The following SAP30L variants were observed in gnomAD, a reference collection of about 807,000 sequenced individuals.
The protein encoded by SAP30L is histone deacetylase complex subunit SAP30L.
In SAP30L, 10 loss-of-function variants were observed where a neutral mutation model predicts 22.3. The observed-to-expected ratio is 0.45, with a 90% CI of 0.28 to 0.76. The LOEUF is 0.76. Ranked by LOEUF, SAP30L falls within the 30% of genes least tolerant of loss-of-function variation. The pLI is 0.14. For synonymous variants in SAP30L, 91 were observed against 94.1 expected (o/e 0.97, Z 0.19); for missense variants, 206 against 237.9 (o/e 0.87, Z 0.88).
chr5:154,449,999 G>A (rs1313171464), intron 1 of SAP30L, among the ~76,000 whole-genome samples: 1 of 152,202 alleles, frequency 6.6e-6, no homozygotes, highest in African/African-American at 2.4e-5. Context: ...GAAAAGGTCT[G>A]AATTAATTGA....
rs1253551792 is a variant in SAP30L, at chr5:154,459,910, T to A, written c.*3882T>A. On this transcript the variant is annotated 3_prime_UTR_variant, in exon 4 of 4. Transcript: ENST00000297109. ...AGGTCTAAGCGTCAGAGAAGTGCCGTATTTTCAAGGTGGAAAGTCTGTTAA... is the reference window on the plus strand; with the variant it reads ...AGGTCTAAGCGTCAGAGAAGTGCCGAATTTTCAAGGTGGAAAGTCTGTTAA... The A allele has an allele frequency of 2.0e-5, 3 of 152,214 alleles. No individual in the cohort carries two copies. Among genetic ancestry groups the A allele is most frequent in the Non-Finnish European group, 4.4e-5 (3 of 68,040 alleles). 9.4% of individuals were successfully genotyped at this position (152,214 alleles called of 1,614,324 possible).
At chr5:154,451,547 C>CTT (rs3214441) in intron 2 of SAP30L, among the ~76,000 whole-genome samples, 3 of 151,582 alleles carry the variant, frequency 2.0e-5, no homozygotes, top group East Asian at 1.9e-4. Flanking sequence ...CACAGTGTCA[C>CTT]TTTTTTTTAA....
In SAP30L at chr5:154,460,894, T is replaced by C. The variant is rs1049373196; in HGVS notation, c.*4866T>C. 6.6e-6 allele frequency: 1 copy of C among 152,146 alleles called. No individual in the cohort carries two copies. Among genetic ancestry groups the C allele is most frequent in the Non-Finnish European group, 1.5e-5 (1 of 68,032 alleles). 9.4% of individuals were successfully genotyped at this position (152,146 alleles called of 1,614,324 possible). ...CTTGTTTCCTGCCAAATCTGGGGGA[T>C]CATTTGTATTTTAACTTCGTAATCT... is the stretch of plus-strand genomic sequence containing the variant. On this transcript the variant is annotated 3_prime_UTR_variant, in exon 4 of 4. Coordinates refer to ENST00000297109, the MANE Select transcript of SAP30L (RefSeq NM_024632.6).
chr5:154,448,856 T>TAACA (rs1757080214), intron 1 of SAP30L, among the ~76,000 whole-genome samples: 1 of 152,164 alleles, frequency 6.6e-6, no homozygotes, highest in East Asian at 1.9e-4. Context: ...TGTTTTAAGG[T>TAACA]GGTGTTGTGG....
intron 1 of SAP30L, among the ~76,000 whole-genome samples, chr5:154,448,295 C>G (rs1014513629): frequency 2.6e-5 from 4 of 152,210 alleles, no homozygotes; most frequent in Non-Finnish European, 5.9e-5. Flanking sequence ...TCTTCAGACT[C>G]TTCCCTCCTA....
chr5:154,458,045 A>G lies in SAP30L; in HGVS notation c.*2017A>G, dbSNP rs1381349714. 6.6e-6 allele frequency: 1 copy of G among 152,242 alleles called. No homozygotes were observed. The highest frequency in any genetic ancestry group is 2.1e-4 in the South Asian group (1 of 4,822). The allele number at this position is 152,242 out of a possible 1,614,324, so 9.4% of individuals were successfully genotyped here. A position where few individuals can be genotyped will look rare whatever the true frequency, so the allele number is the denominator to read the frequency against. ...GTCACATCACTATTTCTTTAGCAGC[A>G]AATCTGTTTTCCCAGTTGAGAGAGA... On this transcript the variant is annotated 3_prime_UTR_variant, in exon 4 of 4. Coordinates refer to ENST00000297109, the MANE Select transcript of SAP30L (RefSeq NM_024632.6).
At position 154,459,036 on chromosome 5, in the gene SAP30L, T is replaced by G. The variant is rs1482107362; in HGVS notation, c.*3008T>G. On this transcript the variant is annotated 3_prime_UTR_variant, in exon 4 of 4. Coordinates refer to ENST00000297109, the MANE Select transcript of SAP30L (RefSeq NM_024632.6). ...GCAGTGTTGCATCTAATTTTGGTGTTTAGGCTTTTTATTTTGTGGGAAGCT... is the reference window on the plus strand; with the variant it reads ...GCAGTGTTGCATCTAATTTTGGTGTGTAGGCTTTTTATTTTGTGGGAAGCT... The G allele has an allele frequency of 6.6e-6, 1 of 152,244 alleles. No individual in the cohort carries two copies. 9.4% of individuals were successfully genotyped at this position (152,244 alleles called of 1,614,324 possible).
chr5:154,454,941 A>G (rs944538105), intron 3 of SAP30L, among the ~76,000 whole-genome samples: 8 of 151,232 alleles, frequency 5.3e-5, no homozygotes, highest in South Asian at 2.1e-4. Flanking sequence ...TTTTTTAAAG[A>G]CAGAGTCTTG....
At chr5:154,453,527 G>A (rs745316286) in intron 3 of SAP30L, 27 bp downstream of exon 3, 1 of 1,450,706 alleles carries the variant, frequency 6.9e-7, no homozygotes, top group Non-Finnish European at 9.7e-7. Context: ...GCCCTCTAAA[G>A]AGAGCCAGCA....
intron 3 of SAP30L, 136 bp from the exon 4 acceptor site, chr5:154,455,764 A>G (rs1279300099): frequency 8.9e-7 from 1 of 1,126,362 alleles, no homozygotes; most frequent in African/African-American, 1.6e-5. Context: ...AGTTCCGCAC[A>G]TGGCAGGAAG....
In SAP30L at chr5:154,456,190, T is replaced by G; in HGVS notation, c.*162T>G. ...GTCAGGAGGATTATATTCTCATGAT[T>G]CAGCATGTGTATAGAAAGACTTTCT... On this transcript the variant is annotated 3_prime_UTR_variant, in exon 4 of 4. Coordinates refer to ENST00000297109, the MANE Select transcript of SAP30L (RefSeq NM_024632.6). 1.6e-6 allele frequency: 1 copy of G among 616,348 alleles called. No individual in the cohort carries two copies. The highest frequency in any genetic ancestry group is 2.6e-6 in the Non-Finnish European group (1 of 389,508). The allele number at this position is 616,348 out of a possible 1,614,324, so 38.2% of individuals were successfully genotyped here. A position where few individuals can be genotyped will look rare whatever the true frequency, so the allele number is the denominator to read the frequency against.
At position 154,446,596 on chromosome 5, in the gene SAP30L, G is replaced by C. The variant is rs568526217; in HGVS notation, c.-9G>C. On this transcript the variant is annotated 5_prime_UTR_variant, in exon 1 of 4. Coordinates refer to ENST00000297109, the MANE Select transcript of SAP30L (RefSeq NM_024632.6). ...CCCTCCCCCAGAGGGACCGGCCCGG[G>C]GCGGGGAGATGAACGGCTTCAGCAC... The C allele has an allele frequency of 6.8e-6, 10 of 1,471,890 alleles. No homozygotes were observed. In the African/African-American group the frequency reaches 1.5e-4, roughly 22 times the overall value. 91.2% of individuals were successfully genotyped at this position (1,471,890 alleles called of 1,614,324 possible).
At position 154,455,918 on chromosome 5, in the gene SAP30L, A is replaced by G; in HGVS notation, c.442A>G (p.Arg148Gly). The change falls in exon 4 of 4, where the codon AGG becomes GGG. Residue 148 changes from arginine to glycine, a missense_variant. Physicochemically the swap from Arg to Gly is moderately radical, Grantham distance 125. Transcript: ENST00000297109. ...QLAETVSRHF[R>G]NIPVNEKETL... is the part of the protein sequence containing the mutation. ...CACATAGACTGTGAGTCGACACTTCAGGAACATACCTGTGAATGAAAAAGA... is the reference window on the plus strand; with the variant it reads ...CACATAGACTGTGAGTCGACACTTCGGGAACATACCTGTGAATGAAAAAGA... 1 of 1,613,796 alleles carries G rather than the reference A, an allele frequency of 6.2e-7. No individual in the cohort carries two copies. Among genetic ancestry groups the G allele is most frequent in the Non-Finnish European group, 8.5e-7 (1 of 1,179,884 alleles).
intron 1 of SAP30L, 35 bp downstream of exon 1, chr5:154,446,840 G>A (rs1757025121): frequency 6.4e-7 from 1 of 1,558,662 alleles, no homozygotes; most frequent in Non-Finnish European, 8.7e-7. Context: ...GGGCCCCGGC[G>A]CCCCCAGCTC....
In SAP30L at chr5:154,460,258, T is replaced by C. The variant is rs2113288944; in HGVS notation, c.*4230T>C. Reference sequence around the variant, plus strand: ...AAGGGAAAACAGATCTAGCCTGTTATTTAAAACCAGGGTTCAAAAGCCCTA... The same window carrying C: ...AAGGGAAAACAGATCTAGCCTGTTACTTAAAACCAGGGTTCAAAAGCCCTA... On this transcript the variant is annotated 3_prime_UTR_variant, in exon 4 of 4. Coordinates refer to ENST00000297109, the MANE Select transcript of SAP30L (RefSeq NM_024632.6). 1 of 152,398 alleles carries C rather than the reference T, an allele frequency of 6.6e-6. No homozygotes were observed. The highest frequency in any genetic ancestry group is 1.5e-5 in the Non-Finnish European group (1 of 68,054). The allele number at this position is 152,398 out of a possible 1,614,324, so 9.4% of individuals were successfully genotyped here.
Position 154,446,345 on chromosome 5 carries a change from G to A in SAP30L, c.-260G>A, listed in dbSNP as rs1582036666. 1.3e-5 allele frequency: 5 copies of A among 371,854 alleles called. No individual in the cohort carries two copies. The South Asian group carries it at 5.0e-4, about 37-fold the overall frequency. The allele number at this position is 371,854 out of a possible 1,614,324, so 23.0% of individuals were successfully genotyped here. On this transcript the variant is annotated 5_prime_UTR_variant, in exon 1 of 4. Transcript: ENST00000297109. Reference sequence around the variant, plus strand: ...GGGCCCCCGGCAGAAGGCTCCTCCGGGTGACCCCCGGCGGGGCCCTGCGAG... The same window carrying A: ...GGGCCCCCGGCAGAAGGCTCCTCCGAGTGACCCCCGGCGGGGCCCTGCGAG...
rs1441638475 is a variant in SAP30L at position 154,453,510 on chromosome 5, C to CA, written c.423+14dup. On this transcript the variant is annotated intron_variant, in intron 3 of 3. Coordinates refer to ENST00000297109, the MANE Select transcript of SAP30L (RefSeq NM_024632.6). ...GGCCCAGTTAGCAGAAGTAGGTAGA[C>CA]AAAATTGCCCTCTAAAGAGAGCCAG... The CA allele has an allele frequency of 6.4e-7, 1 of 1,574,586 alleles. No individual in the cohort carries two copies. Among genetic ancestry groups the CA allele is most frequent in the African/African-American group, 1.3e-5 (1 of 74,244 alleles).
rs1382672378 is a variant in SAP30L, at chr5:154,446,726, C to G, written c.122C>G (p.Pro41Arg). The G allele has an allele frequency of 1.2e-6, 2 of 1,605,846 alleles. No homozygotes were observed. Among genetic ancestry groups the G allele is most frequent in the East Asian group, 2.2e-5 (1 of 44,582 alleles). The change falls in exon 1 of 4, where the codon CCC (proline) becomes CGC (arginine). Residue 41 changes from proline to arginine, a missense_variant. By Grantham distance (103) the Pro-to-Arg change is moderately radical (BLOSUM62 -2). Coordinates refer to ENST00000297109, the MANE Select transcript of SAP30L (RefSeq NM_024632.6). Reference sequence around the variant, plus strand: ...GAGGACGGCGAGCGCTGCGTCCGGCCCGCGGGCAACGCCTCCTTCAGCAAG... The same window carrying G: ...GAGGACGGCGAGCGCTGCGTCCGGCGCGCGGGCAACGCCTCCTTCAGCAAG... Reference protein sequence around the residue: ...LIEDGERCVRPAGNASFSKRV... With the variant: ...LIEDGERCVRRAGNASFSKRV...
At chr5:154,451,890 C>T (rs778950997) in intron 2 of SAP30L, among the ~76,000 whole-genome samples, 1 of 152,158 alleles carries the variant, frequency 6.6e-6, no homozygotes, top group Non-Finnish European at 1.5e-5. Context: ...AAACGTGTCT[C>T]CAGACATTGC....
Sources: allele counts gnomAD v4.1 joint callset (sites outside exome capture counted in the v4.1 genomes callset), GRCh38; gene constraint gnomAD v4.1.1; transcripts MANE v1.5; gene names NCBI Gene and HGNC (gene_info 2026-07-23, HGNC 2026-07-21).